KDM4C: variants seen among roughly 807,000 people sequenced by gnomAD.
The protein encoded by KDM4C is lysine-specific demethylase 4C.
A neutral mutation model predicts 129.3 loss-of-function variants in KDM4C; 81 were observed. The observed-to-expected ratio is 0.63, with a 90% CI of 0.52 to 0.75. The LOEUF (loss-of-function observed/expected upper bound fraction) is 0.75. Among genes scored for constraint, KDM4C ranks in the 30% least tolerant of loss-of-function variants. The pLI is 0.00. For synonymous variants in KDM4C, 573 were observed against 456.1 expected (o/e 1.26, Z -3.26); for missense variants, 1,457 against 1,304.0 (o/e 1.12, Z -1.81).
intron 8 of KDM4C, 141 bp from the exon 9 acceptor site, chr9:6,980,784 C>T: frequency 1.5e-6 from 1 of 651,036 alleles, no homozygotes; most frequent in Non-Finnish European, 2.6e-6. Flanking sequence ...GTTTATCACC[C>T]ATTGAATGTT....
chr9:6,944,711 A>C (rs948434323), intron 8 of KDM4C, among the ~76,000 whole-genome samples: 1 of 128,514 alleles, frequency 7.8e-6, no homozygotes, highest in African/African-American at 3.0e-5. Flanking sequence ...CAGCATAGGG[A>C]ACCATTGATC....
intron 5 of KDM4C, among the ~76,000 whole-genome samples, chr9:6,855,883 C>T (rs116482342): frequency 3.9e-5 from 6 of 152,154 alleles, no homozygotes; most frequent in Non-Finnish European, 5.9e-5. Context: ...TTCATTCATT[C>T]GTTCATTCAT....
intron 10 of KDM4C, among the ~76,000 whole-genome samples, chr9:6,985,793 C>T (rs150796610): frequency 1.2e-4 from 18 of 152,224 alleles, no homozygotes; most frequent in East Asian, 1.9e-4. Flanking sequence ...CAGGTTCAAG[C>T]GATTTTTTTG....
intron 8 of KDM4C, among the ~76,000 whole-genome samples, chr9:6,895,788 A>G (rs1312166108): frequency 6.6e-6 from 1 of 152,210 alleles, no homozygotes; most frequent in Non-Finnish European, 1.5e-5. Context: ...TTATGTAACC[A>G]ATTTTAGTTA....
chr9:6,843,033 GA>G (rs1392572052), intron 4 of KDM4C, among the ~76,000 whole-genome samples: 1 of 152,184 alleles, frequency 6.6e-6, no homozygotes, highest in African/African-American at 2.4e-5. Flanking sequence ...GGGTTCAAGT[GA>G]TTCTCGTGCC....
chr9:6,919,668 C>T (rs73410616), intron 8 of KDM4C, among the ~76,000 whole-genome samples: 5 of 151,296 alleles, frequency 3.3e-5, no homozygotes, highest in South Asian at 2.1e-4. Context: ...CTCCGCCTCC[C>T]GGGTTCAAGT....
At chr9:6,744,945 G>C (rs1293681461) in intron 1 of KDM4C, among the ~76,000 whole-genome samples, 9 of 152,142 alleles carry the variant, frequency 5.9e-5, no homozygotes, top group African/African-American at 2.2e-4. Context: ...AGATATATGG[G>C]ATGGAGGTGC....
chr9:7,041,927 A>C (rs1828670129), intron 15 of KDM4C, among the ~76,000 whole-genome samples: 1 of 151,886 alleles, frequency 6.6e-6, no homozygotes, highest in African/African-American at 2.4e-5. Context: ...GTTCCTGGAG[A>C]GTTTTCTTTT....
At chr9:6,859,225 C>A (rs1229625467) in intron 5 of KDM4C, among the ~76,000 whole-genome samples, 2 of 152,052 alleles carry the variant, frequency 1.3e-5, no homozygotes, top group Non-Finnish European at 2.9e-5. Context: ...TGCCTATAAT[C>A]CCAGCACTTT....
intron 17 of KDM4C, among the ~76,000 whole-genome samples, chr9:7,091,085 G>C (rs796182515): frequency 4.9e-4 from 75 of 152,208 alleles, no homozygotes; most frequent in African/African-American, 1.8e-3. Context: ...CCATTGCTTG[G>C]GGGCTCTATT....
chr9:6,769,112 A>C (rs1821238850), intron 1 of KDM4C, among the ~76,000 whole-genome samples: 1 of 150,894 alleles, frequency 6.6e-6, no homozygotes, highest in South Asian at 2.1e-4. Context: ...TTTCATCAAT[A>C]CTCTTAAGTG....
chr9:6,845,172 T>C (rs1837629806), intron 4 of KDM4C, among the ~76,000 whole-genome samples: 1 of 152,080 alleles, frequency 6.6e-6, no homozygotes, highest in Admixed American at 6.6e-5. Context: ...GTGGAGAGAG[T>C]CCAGGATGGC....
At chr9:6,974,682 T>C (rs1340088560) in intron 8 of KDM4C, 3 of 152,178 alleles carry the variant, frequency 2.0e-5, no homozygotes, top group Non-Finnish European at 4.4e-5. Flanking sequence ...TGTGATCATA[T>C]AGACTCATAC....
chr9:6,994,046 A>T (rs1819248979), intron 12 of KDM4C, among the ~76,000 whole-genome samples: 1 of 151,892 alleles, frequency 6.6e-6, no homozygotes, highest in Non-Finnish European at 1.5e-5. Context: ...AGGGGTGGGG[A>T]TGGTTTTGGG....
intron 8 of KDM4C, among the ~76,000 whole-genome samples, chr9:6,894,504 T>C (rs1487577887): frequency 6.6e-6 from 1 of 152,210 alleles, no homozygotes; most frequent in Non-Finnish European, 1.5e-5. Flanking sequence ...TATAACAAGG[T>C]CTGTTATTTT....
chr9:6,814,190 A>G (rs914051937), intron 3 of KDM4C, among the ~76,000 whole-genome samples: 3 of 152,202 alleles, frequency 2.0e-5, no homozygotes, highest in Non-Finnish European at 4.4e-5. Context: ...GCATTTACCA[A>G]TATAATAACT....
chr9:7,155,166 C>G (rs1011402366), intron 19 of KDM4C, among the ~76,000 whole-genome samples: 1 of 152,192 alleles, frequency 6.6e-6, no homozygotes, highest in Middle Eastern at 3.4e-3. Flanking sequence ...ATGTGTGCCC[C>G]AGGGTTGGGA....
rs959615756 is a variant in KDM4C at position 6,785,514 on chromosome 9, T to C, written c.-17-7458T>C. Among the ~76,000 whole-genome samples the C allele has an allele frequency of 1.4e-4, 21 of 152,122 alleles. 1 individual carries two copies. The highest frequency in any genetic ancestry group is 3.1e-4 in the Non-Finnish European group (21 of 68,016). ...ACCATGCCTGGCTAATTTTTTTGTA[T>C]TTTTAGTAGAGACAGGGTTTTGCCG... On this transcript the variant is annotated intron_variant, in intron 1 of 21. Transcript: ENST00000381309.
At position 6,814,915 on chromosome 9, in the gene KDM4C, A is replaced by G. The variant is rs1281594510; in HGVS notation, c.435+170A>G. ...GGATTTCTGCTGCTGGTATTTTTCA[A>G]ACTGAAGCTAGATAATCGTACAAAT... On this transcript the variant is annotated intron_variant, in intron 4 of 21. Coordinates refer to ENST00000381309, the MANE Select transcript of KDM4C (RefSeq NM_015061.6). 3.3e-5 allele frequency: 14 copies of G among 427,958 alleles called. No individual in the cohort carries two copies. In the East Asian group the frequency reaches 4.9e-4, roughly 15 times the overall value. The allele number at this position is 427,958 out of a possible 1,614,324, so 26.5% of individuals were successfully genotyped here. A position where few individuals can be genotyped will look rare whatever the true frequency, so the allele number is the denominator to read the frequency against.
Sources: gnomAD v4.1 joint callset for allele counts (sites outside exome capture counted in the v4.1 genomes callset) on GRCh38, gnomAD v4.1.1 for gene constraint, MANE v1.5 for transcripts, NCBI Gene and HGNC (gene_info 2026-07-23, HGNC 2026-07-21) for gene names.